TAF8: variants seen among roughly 807,000 people sequenced by gnomAD.
The protein encoded by TAF8 is transcription initiation factor TFIID subunit 8.
A neutral mutation model predicts 36.5 loss-of-function variants in TAF8; 47 were observed. That is an observed-to-expected ratio of 1.29 (90% confidence interval 1.02 to 1.64). The LOEUF (loss-of-function observed/expected upper bound fraction) is 1.64, where lower values mean the gene tolerates loss of function less well. TAF8 is among the 40% of genes most tolerant of loss of function. TAF8 has a pLI of 0.00. For synonymous variants in TAF8, 175 were observed against 159.5 expected (o/e 1.10, Z -0.73); for missense variants, 420 against 407.6 (o/e 1.03, Z -0.26).
At chr6:42,067,092 C>G (rs1359411964) in intron 6 of TAF8, among the ~76,000 whole-genome samples, 1 of 152,198 alleles carries the variant, frequency 6.6e-6, no homozygotes, top group East Asian at 1.9e-4. Context: ...TCATAGGAAC[C>G]CTTCAATGAG....
At position 42,068,604 on chromosome 6, in the gene TAF8, CAT is replaced by C; in HGVS notation, c.778_779del (p.Met260GlyfsTer22). 1 of 1,612,800 alleles carries C rather than the reference CAT, an allele frequency of 6.2e-7. No individual in the cohort carries two copies. Among genetic ancestry groups the C allele is most frequent in the Non-Finnish European group, 8.5e-7 (1 of 1,179,974 alleles). Reference protein sequence around the residue: ...DTENLALHISMEDSGAEKENT... With the variant: ...DTENLALHISXEDSGAEKENT... ...CAGAGAACCTTGCTCTTCATATCAG[CAT>C]GGTGGGTTCCACCTTCTGCCTACCT... On this transcript the variant is annotated frameshift_variant and splice_region_variant, in exon 7 of 9. Coordinates refer to ENST00000372977, the MANE Select transcript of TAF8 (RefSeq NM_138572.3). LOFTEE classifies it high-confidence loss of function.
chr6:42,085,457 G>A (rs1017802886), downstream of TAF8, among the ~76,000 whole-genome samples: 5 of 152,288 alleles, frequency 3.3e-5, no homozygotes, highest in African/African-American at 1.2e-4. Context: ...AAATCCCCGA[G>A]GTGATAATGT....
downstream of TAF8, among the ~76,000 whole-genome samples, chr6:42,086,062 C>T (rs1766020416): frequency 6.6e-6 from 1 of 152,226 alleles, no homozygotes; most frequent in African/African-American, 2.4e-5. Flanking sequence ...GAGCCAGACG[C>T]CGAATCAGCC....
At position 42,079,627 on chromosome 6, in the gene TAF8, A is replaced by T. The variant is rs897131287; in HGVS notation, c.*2082A>T. 1.1e-6 allele frequency: 1 copy of T among 932,068 alleles called. No individual in the cohort carries two copies. The highest frequency in any genetic ancestry group is 1.8e-5 in the African/African-American group (1 of 55,756). 57.7% of individuals were successfully genotyped at this position (932,068 alleles called of 1,614,324 possible). On this transcript the variant is annotated 3_prime_UTR_variant, in exon 9 of 9. Coordinates refer to ENST00000372977, the MANE Select transcript of TAF8 (RefSeq NM_138572.3). The stretch of plus-strand genomic sequence containing the variant: ...GCCCCAGCTGGAGTATAGTGGCACT[A>T]CCTCGGCTCACTGCAACCTCCACTC...
At chr6:42,072,754 G>A (rs945737160) in intron 7 of TAF8, among the ~76,000 whole-genome samples, 17 of 151,114 alleles carry the variant, frequency 1.1e-4, no homozygotes, top group African/African-American at 1.9e-4. Context: ...ACCGAGTCTC[G>A]CTCTGTCACC....
chr6:42,085,457 G>T (rs1017802886), downstream of TAF8, among the ~76,000 whole-genome samples: 1 of 152,170 alleles, frequency 6.6e-6, no homozygotes, highest in Non-Finnish European at 1.5e-5. Context: ...AAATCCCCGA[G>T]GTGATAATGT....
chr6:42,069,909 T>C (rs1409298043), intron 7 of TAF8, among the ~76,000 whole-genome samples: 1 of 152,176 alleles, frequency 6.6e-6, no homozygotes, highest in African/African-American at 2.4e-5. Context: ...GGCTGTGTCC[T>C]GGAGGCCAAG....
intron 7 of TAF8, among the ~76,000 whole-genome samples, chr6:42,075,890 G>GA (rs929787007): frequency 3.9e-5 from 6 of 152,188 alleles, no homozygotes; most frequent in South Asian, 2.1e-4. Context: ...AAACTTTTCT[G>GA]AAAAAACACA....
Position 42,055,957 on chromosome 6 carries a change from A to G in TAF8, c.307A>G (p.Asn103Asp). The G allele has an allele frequency of 6.2e-7, 1 of 1,611,682 alleles. No individual in the cohort carries two copies. The highest frequency in any genetic ancestry group is 8.5e-7 in the Non-Finnish European group (1 of 1,177,766). Reference sequence around the variant, plus strand: ...TTTGTTTTCCTGTCTCTTAGGTTTCAATGTGGACACTCTCCCTGCTTATGC... The same window carrying G: ...TTTGTTTTCCTGTCTCTTAGGTTTCGATGTGGACACTCTCCCTGCTTATGC... ...IVVTLVEMGF[N>D]VDTLPAYAKR... Residue 103 changes from asparagine to aspartate, a missense_variant, in exon 4 of 9, where the codon AAT (asparagine) becomes GAT (aspartate). Transcript: ENST00000372977.
intron 7 of TAF8, among the ~76,000 whole-genome samples, chr6:42,069,055 C>G (rs576629824): frequency 6.6e-6 from 1 of 151,762 alleles, no homozygotes; most frequent in South Asian, 2.1e-4. Flanking sequence ...GCAGCAGATG[C>G]AAAGGCCCTG....
Position 42,051,431 on chromosome 6 carries a change from T to G in TAF8, c.120T>G (p.Val40=). The G allele has an allele frequency of 6.2e-7, 1 of 1,614,066 alleles. No homozygotes were observed. Among genetic ancestry groups the G allele is most frequent in the Non-Finnish European group, 8.5e-7 (1 of 1,180,002 alleles). Residue 40 remains valine, a synonymous_variant, in exon 2 of 9, where the codon GTT becomes GTG. Transcript: ENST00000372977. ...HLARRRTLQV[V]VSSLLTEAGF... ...CCCGGAGGAGAACCCTGCAGGTGGT[T>G]GTGAGCTCCTTGCTGACAGAGGCAG... is the stretch of plus-strand genomic sequence containing the variant.
chr6:42,077,942 G>C lies in TAF8; in HGVS notation c.*397G>C. Reference sequence around the variant, plus strand: ...GGCTAATTTTTGTATTTTGAGTAGAGATAGGGTTTCGCCATGTTGGCCAGG... The same window carrying C: ...GGCTAATTTTTGTATTTTGAGTAGACATAGGGTTTCGCCATGTTGGCCAGG... On this transcript the variant is annotated 3_prime_UTR_variant, in exon 9 of 9. Coordinates refer to ENST00000372977, the MANE Select transcript of TAF8 (RefSeq NM_138572.3). 3.9e-6 allele frequency: 1 copy of C among 256,778 alleles called. No individual in the cohort carries two copies. Among genetic ancestry groups the C allele is most frequent in the Non-Finnish European group, 6.7e-6 (1 of 149,290 alleles). The allele number at this position is 256,778 out of a possible 1,614,324, so 15.9% of individuals were successfully genotyped here. A position where few individuals can be genotyped will look rare whatever the true frequency, so the allele number is the denominator to read the frequency against.
chr6:42,063,612 T>G (rs1041102273), intron 5 of TAF8: 1 of 152,158 alleles, frequency 6.6e-6, no homozygotes, highest in African/African-American at 2.4e-5. Flanking sequence ...TTGTTCTTGT[T>G]TGTTTTGTTG....
At chr6:42,084,749 T>C (rs1766000678), downstream of TAF8, among the ~76,000 whole-genome samples, 3 of 152,176 alleles carry the variant, frequency 2.0e-5, no homozygotes, top group Admixed American at 2.0e-4. Flanking sequence ...AGGCATGAGC[T>C]ACTGCACCTG....
intron 5 of TAF8, among the ~76,000 whole-genome samples, chr6:42,065,913 T>G (rs1765345486): frequency 1.3e-5 from 2 of 152,194 alleles, no homozygotes. Flanking sequence ...ATTTATTTAT[T>G]TTTTGAGACA....
rs878886811 is a variant in TAF8, at chr6:42,077,167, G to A, written c.848G>A (p.Arg283Gln). 1.2e-6 allele frequency: 2 copies of A among 1,614,132 alleles called. No individual in the cohort carries two copies. The highest frequency in any genetic ancestry group is 8.5e-7 in the Non-Finnish European group (1 of 1,180,000). The change falls in exon 8 of 9, where the codon CGG (arginine) becomes CAG (glutamine). Residue 283 changes from arginine to glutamine, a missense_variant. Arg to Gln is a conservative substitution (Grantham distance 43, BLOSUM62 1). Coordinates refer to ENST00000372977, the MANE Select transcript of TAF8 (RefSeq NM_138572.3). The stretch of plus-strand genomic sequence containing the variant: ...CAGAACCCCTCCTTGTCGGGTAGCC[G>A]GAATGGGGAGGAGAACATCATCGAT... ...LQQNPSLSGS[R>Q]NGEENIIDNP...
chr6:42,073,544 C>T (rs930584015), intron 7 of TAF8, among the ~76,000 whole-genome samples: 2 of 152,006 alleles, frequency 1.3e-5, no homozygotes, highest in African/African-American at 4.8e-5. Flanking sequence ...TCGGAGTAGG[C>T]ATTACTGAGA....
At chr6:42,067,043 T>C (rs1765390756) in intron 6 of TAF8, among the ~76,000 whole-genome samples, 1 of 152,188 alleles carries the variant, frequency 6.6e-6, no homozygotes. Context: ...TTAAATCCTC[T>C]TGTGAGCCTC....
downstream of TAF8, chr6:42,087,038 C>T (rs115658470): frequency 7.3e-4 from 368 of 505,868 alleles, no homozygotes; most frequent in African/African-American, 6.1e-3. Context: ...AGCCCTCCCT[C>T]GAGAGCCTGA....
Sources: allele counts gnomAD v4.1 joint callset (sites outside exome capture counted in the v4.1 genomes callset), GRCh38; gene constraint gnomAD v4.1.1; transcripts MANE v1.5; gene names NCBI Gene and HGNC (gene_info 2026-07-23, HGNC 2026-07-21).